SLC25A13: variants seen among roughly 807,000 people sequenced by gnomAD.
SLC25A13 encodes the protein electrogenic aspartate/glutamate antiporter SLC25A13, mitochondrial.
In SLC25A13, 70 loss-of-function variants were observed where a neutral mutation model predicts 85.5. The ratio of observed to expected loss-of-function variants is 0.82; its 90% CI spans 0.68 to 1.00. The LOEUF is 1.00. SLC25A13 is among the 50% of genes least tolerant of loss of function. The pLI is 0.00. For missense variants in SLC25A13, 765 were observed against 819.8 expected, an observed-to-expected ratio of 0.93 and a Z score of 0.82; for synonymous variants, 259 against 288.7, an observed-to-expected ratio of 0.90 and a Z score of 1.04.
intron 1 of SLC25A13, among the ~76,000 whole-genome samples, chr7:96,306,312 C>T (rs564142964): frequency 5.3e-5 from 8 of 152,336 alleles, no homozygotes; most frequent in African/African-American, 1.9e-4. Flanking sequence ...CCCAGTCTGA[C>T]CTTCAGGGCA....
intron 2 of SLC25A13, among the ~76,000 whole-genome samples, chr7:96,286,727 C>T (rs1023266083): frequency 1.3e-5 from 2 of 152,180 alleles, no homozygotes; most frequent in Non-Finnish European, 2.9e-5. Context: ...CAGTCCATGA[C>T]ACTGTATCTA....
At chr7:96,143,266 C>T (rs980555111) in intron 14 of SLC25A13, among the ~76,000 whole-genome samples, 39 of 152,174 alleles carry the variant, frequency 2.6e-4, no homozygotes, top group Admixed American at 1.8e-3. Flanking sequence ...CCCTCATTAA[C>T]GCTCTGACAG....
At chr7:96,165,807 T>C (rs1301763513) in intron 13 of SLC25A13, among the ~76,000 whole-genome samples, 1 of 152,238 alleles carries the variant, frequency 6.6e-6, no homozygotes, top group Non-Finnish European at 1.5e-5. Context: ...AACTGCACTG[T>C]CAAGTTTGTC....
chr7:96,303,297 T>C (rs1271911635), intron 1 of SLC25A13, among the ~76,000 whole-genome samples: 2 of 152,032 alleles, frequency 1.3e-5, no homozygotes, highest in African/African-American at 4.8e-5. Flanking sequence ...TTGCCTTAGA[T>C]AAGAACTACA....
chr7:96,167,758 T>C (rs771231466), intron 13 of SLC25A13, among the ~76,000 whole-genome samples: 21 of 152,170 alleles, frequency 1.4e-4, no homozygotes, highest in African/African-American at 4.8e-4. Context: ...ACTCCAATTA[T>C]AGAGAAGACT....
chr7:96,127,196 C>A (rs2116405131), intron 15 of SLC25A13, among the ~76,000 whole-genome samples: 1 of 152,244 alleles, frequency 6.6e-6, no homozygotes, highest in Non-Finnish European at 1.5e-5. Context: ...TATTTGATAT[C>A]ATTCACAAGG....
intron 5 of SLC25A13, among the ~76,000 whole-genome samples, chr7:96,207,934 C>G (rs188866630): frequency 1.3e-5 from 2 of 152,108 alleles, no homozygotes. Flanking sequence ...TCCATGAGGG[C>G]CACCCAAGAA....
At chr7:96,269,549 G>T (rs1049855590) in intron 3 of SLC25A13, among the ~76,000 whole-genome samples, 3 of 152,214 alleles carry the variant, frequency 2.0e-5, no homozygotes, top group African/African-American at 7.2e-5. Context: ...ACAACTATAA[G>T]CTTTCTAACG....
chr7:96,177,180 T>C (rs1794253378), intron 11 of SLC25A13, among the ~76,000 whole-genome samples: 2 of 152,134 alleles, frequency 1.3e-5, no homozygotes, highest in African/African-American at 2.4e-5. Context: ...CAGTCCACCA[T>C]TAGCTAAGGA....
At chr7:96,305,325 T>C (rs1799704566) in intron 1 of SLC25A13, among the ~76,000 whole-genome samples, 1 of 152,226 alleles carries the variant, frequency 6.6e-6, no homozygotes. Flanking sequence ...CTGGACAACA[T>C]TGTAATTGTA....
chr7:96,175,628 C>T (rs1794189895), intron 11 of SLC25A13, among the ~76,000 whole-genome samples: 1 of 152,220 alleles, frequency 6.6e-6, no homozygotes, highest in African/African-American at 2.4e-5. Flanking sequence ...GTGCTCTTAC[C>T]TGGTACGCTG....
chr7:96,221,074 C>G (rs1796110562), intron 4 of SLC25A13, among the ~76,000 whole-genome samples: 1 of 152,164 alleles, frequency 6.6e-6, no homozygotes, highest in Admixed American at 6.5e-5. Flanking sequence ...TAAATTATCC[C>G]ACCAACTGGA....
At chr7:96,254,898 A>G (rs1797570602) in intron 3 of SLC25A13, among the ~76,000 whole-genome samples, 1 of 152,206 alleles carries the variant, frequency 6.6e-6, no homozygotes, top group Non-Finnish European at 1.5e-5. Context: ...TTCCCTGAGC[A>G]TACCTTCCTT....
At chr7:96,147,932 T>G (rs1394792025) in intron 13 of SLC25A13, among the ~76,000 whole-genome samples, 1 of 144,092 alleles carries the variant, frequency 6.9e-6, no homozygotes, top group African/African-American at 2.7e-5. Context: ...TTCTTTTCCT[T>G]TTTTTTTTTT....
chr7:96,267,024 C>T (rs1369906162), intron 3 of SLC25A13, among the ~76,000 whole-genome samples: 1 of 152,144 alleles, frequency 6.6e-6, no homozygotes, highest in Non-Finnish European at 1.5e-5. Context: ...AGATGTTTAT[C>T]TGAAATCTAT....
chr7:96,319,540 C>CAAAAA (rs398005497), intron 1 of SLC25A13, among the ~76,000 whole-genome samples: 4 of 77,232 alleles, frequency 5.2e-5, no homozygotes, highest in Admixed American at 1.6e-4. Flanking sequence ...GACTCCATCT[C>CAAAAA]AAAAAAAAAA....
intron 5 of SLC25A13, among the ~76,000 whole-genome samples, chr7:96,207,254 T>C (rs191324491): frequency 1.3e-5 from 2 of 152,278 alleles, no homozygotes; most frequent in African/African-American, 2.4e-5. Flanking sequence ...GGACAAATTA[T>C]ATGAATCATA....
chr7:96,123,659 T>C (rs1366282029), intron 15 of SLC25A13, among the ~76,000 whole-genome samples: 1 of 152,150 alleles, frequency 6.6e-6, no homozygotes, highest in African/African-American at 2.4e-5. Flanking sequence ...CTCCAGTTTC[T>C]CCTAGGCAGG....
chr7:96,271,795 A>C (rs1455515136), intron 3 of SLC25A13, among the ~76,000 whole-genome samples: 1 of 152,128 alleles, frequency 6.6e-6, no homozygotes, highest in Non-Finnish European at 1.5e-5. Context: ...AAAAAGAAAA[A>C]GCATGTCTAT....
Sources: gnomAD v4.1 joint callset for allele counts (sites outside exome capture counted in the v4.1 genomes callset) on GRCh38, gnomAD v4.1.1 for gene constraint, MANE v1.5 for transcripts, NCBI Gene and HGNC (gene_info 2026-07-23, HGNC 2026-07-21) for gene names.